The following CAVIN3 variants were observed in gnomAD, a reference collection of about 807,000 sequenced individuals.
The protein encoded by CAVIN3 is caveolae-associated protein 3.
In CAVIN3, 11 loss-of-function variants were observed where a neutral mutation model predicts 8.2. The ratio of observed to expected loss-of-function variants is 1.35; its 90% CI spans 0.85 to 2.23. The LOEUF (loss-of-function observed/expected upper bound fraction) is 2.23, where lower values mean the gene tolerates loss of function less well. Ranked by LOEUF, CAVIN3 falls within the 30% of genes most tolerant of loss-of-function variation. The pLI, the probability that CAVIN3 is intolerant of heterozygous loss-of-function variation, is 0.00. For synonymous variants in CAVIN3, 191 were observed against 166.3 expected (o/e 1.15, Z -1.14); for missense variants, 401 against 359.5 (o/e 1.12, Z -0.93).
chr11:6,319,668 G>C (rs1213156261), intron 1 of CAVIN3, 104 bp from the exon 2 acceptor site: 1 of 1,371,284 alleles, frequency 7.3e-7, no homozygotes, highest in Non-Finnish European at 1.0e-6. Flanking sequence ...TCCGCAGCCA[G>C]AGTCTGGGGG....
chr11:6,319,356 C>T lies in CAVIN3; in HGVS notation c.593G>A (p.Gly198Asp). The change falls in exon 2 of 2, where the codon GGC (glycine) becomes GAC (aspartate). Residue 198 changes from glycine to aspartate, a missense_variant. Coordinates refer to ENST00000303927, the MANE Select transcript of CAVIN3 (RefSeq NM_145040.3). ...CGGGGTGGGCGGTGGCGCTGCAGGG[C>T]CTTTCCGGCCCGAAAGGGCCCTTCG... ...SLRRALSGRK[G>D]PAAPPPTPVK... The T allele has an allele frequency of 6.3e-7, 1 of 1,594,896 alleles. No homozygotes were observed. Among genetic ancestry groups the T allele is most frequent in the Non-Finnish European group, 8.5e-7 (1 of 1,172,586 alleles).
At position 6,319,528 on chromosome 11, in the gene CAVIN3, C is replaced by T; in HGVS notation, c.421G>A (p.Ala141Thr). Residue 141 changes from alanine (A) to threonine (T), a missense_variant, in exon 2 of 2, where the codon GCA becomes ACA. Ala to Thr is a moderately conservative substitution (Grantham distance 58). Transcript: ENST00000303927. ...TCCGCCGGGCCCAAGGGCTCTGGTGCCTTCTGGAAAGCGCTGGCTGGGACT... is the reference window on the plus strand; with the variant it reads ...TCCGCCGGGCCCAAGGGCTCTGGTGTCTTCTGGAAAGCGCTGGCTGGGACT... ...GEVPASAFQK[A>T]PEPLGPADQS... is the part of the protein sequence containing the mutation. 1 of 1,593,982 alleles carries T rather than the reference C, an allele frequency of 6.3e-7. No individual in the cohort carries two copies. The highest frequency in any genetic ancestry group is 1.1e-5 in the South Asian group (1 of 89,168).
In CAVIN3 at chr11:6,319,393, C is replaced by A; in HGVS notation, c.556G>T (p.Val186Leu). Residue 186 changes from valine to leucine, a missense_variant, in exon 2 of 2, where the codon GTA becomes TTA. By Grantham distance (32) the Val-to-Leu change is conservative. Transcript: ENST00000303927. ...GAAAGGGCCCTTCGGAGGCTCTGTA[C>A]CTTCTGCAATCCGGTGCGCCGCAGC... is the stretch of plus-strand genomic sequence containing the variant. ...QRLRRTGLQK[V>L]QSLRRALSGR... is the part of the protein sequence containing the mutation. 6.2e-7 allele frequency: 1 copy of A among 1,610,328 alleles called. No individual in the cohort carries two copies. Among genetic ancestry groups the A allele is most frequent in the Non-Finnish European group, 8.5e-7 (1 of 1,178,836 alleles).
chr11:6,319,929 G>A (rs899066303), intron 1 of CAVIN3, 164 bp downstream of exon 1: 2 of 818,320 alleles, frequency 2.4e-6, no homozygotes, highest in Admixed American at 5.7e-5. Context: ...GATGGGGCTG[G>A]GTCTTGGGAA....
At chr11:6,319,606 C>G (rs1336744779) in intron 1 of CAVIN3, 42 bp from the exon 2 acceptor site, 44 of 1,538,616 alleles carry the variant, frequency 2.9e-5, no homozygotes, top group Non-Finnish European at 3.7e-5. Flanking sequence ...CAGCTCCTTA[C>G]CCCCAGCAGC....
chr11:6,319,694 G>T (rs1435377998), intron 1 of CAVIN3, 130 bp from the exon 2 acceptor site: 1 of 1,194,928 alleles, frequency 8.4e-7, no homozygotes, highest in Admixed American at 2.0e-5. Context: ...GCAGGCGTGG[G>T]AAGGTAAGGG....
chr11:6,319,931 T>C (rs1846796411), intron 1 of CAVIN3, 162 bp downstream of exon 1: 2 of 831,164 alleles, frequency 2.4e-6, no homozygotes, highest in East Asian at 5.4e-5. Flanking sequence ...TGGGGCTGGG[T>C]CTTGGGAAGT....
chr11:6,320,215 C>A lies in CAVIN3; in HGVS notation c.262G>T (p.Val88Leu). Residue 88 changes from valine to leucine, a missense_variant, in exon 1 of 2, where the codon GTG (valine) becomes TTG (leucine). By Grantham distance (32) the Val-to-Leu change is conservative. Coordinates refer to ENST00000303927, the MANE Select transcript of CAVIN3 (RefSeq NM_145040.3). ...TGGGCGGCGTTGGCGTGCGAGCTCA[C>A]GCGCTCCGCCTTGGCCAGCAGCTGC... ...LAQLLAKAER[V>L]SSHANAAQER... 6.4e-7 allele frequency: 1 copy of A among 1,564,090 alleles called. No individual in the cohort carries two copies. The highest frequency in any genetic ancestry group is 8.6e-7 in the Non-Finnish European group (1 of 1,162,296).
At position 6,320,491 on chromosome 11, in the gene CAVIN3, C is replaced by G. The variant is rs761585001; in HGVS notation, c.-15G>C. 8.1e-6 allele frequency: 12 copies of G among 1,478,434 alleles called. No homozygotes were observed. In the East Asian group the frequency reaches 1.5e-4, roughly 19 times the overall value. 91.6% of individuals were successfully genotyped at this position (1,478,434 alleles called of 1,614,324 possible). A position where few individuals can be genotyped will look rare whatever the true frequency, so the allele number is the denominator to read the frequency against. On this transcript the variant is annotated 5_prime_UTR_variant, in exon 1 of 2. Transcript: ENST00000303927. ...CTCTCCCTCATGATCCCTGACCGCT[C>G]TGCTCCGTCTGCCTGCAACTGCTGG...
chr11:6,319,221 T>C lies in CAVIN3; in HGVS notation c.728A>G (p.Asp243Gly). Residue 243 changes from aspartate to glycine, a missense_variant, in exon 2 of 2, where the codon GAT (aspartate) becomes GGT (glycine). Coordinates refer to ENST00000303927, the MANE Select transcript of CAVIN3 (RefSeq NM_145040.3). ...EPEPPQDTEE[D>G]PGRPGAAEEA... is the part of the protein sequence containing the mutation. Reference sequence around the variant, plus strand: ...TTCGGCAGCCCCAGGTCTCCCGGGATCTTCCTCGGTGTCCTGCGGAGGCTC... The same window carrying C: ...TTCGGCAGCCCCAGGTCTCCCGGGACCTTCCTCGGTGTCCTGCGGAGGCTC... 2 of 1,568,364 alleles carry C rather than the reference T, an allele frequency of 1.3e-6. No homozygotes were observed. The highest frequency in any genetic ancestry group is 1.7e-6 in the Non-Finnish European group (2 of 1,161,716).
In CAVIN3 at chr11:6,319,163, T is replaced by A. The variant is rs1846765381; in HGVS notation, c.786A>T (p.Ter262CysextTer22). 6.6e-7 allele frequency: 1 copy of A among 1,515,630 alleles called. No homozygotes were observed. Among genetic ancestry groups the A allele is most frequent in the Admixed American group, 2.3e-5 (1 of 43,626 alleles). The allele number at this position is 1,515,630 out of a possible 1,614,324, so 93.9% of individuals were successfully genotyped here. ...CAGGGGAGGCAGGCAACACCAGCCC[T>A]CAGGCTACACTCTCCATTTGGAGCA... is the stretch of plus-strand genomic sequence containing the variant. ...EALLQMESVA[*>C] The change falls in exon 2 of 2, where the codon TGA (stop) becomes TGT (cysteine). Residue 262 changes from the stop codon to cysteine, a stop_lost. Coordinates refer to ENST00000303927, the MANE Select transcript of CAVIN3 (RefSeq NM_145040.3).
chr11:6,319,433 C>T lies in CAVIN3; in HGVS notation c.516G>A (p.Glu172=), dbSNP rs1436087202. Residue 172 remains glutamate (E), a synonymous_variant, in exon 2 of 2, where the codon GAG becomes GAA. Coordinates refer to ENST00000303927, the MANE Select transcript of CAVIN3 (RefSeq NM_145040.3). The part of the protein sequence containing the change: ...VGESSDEEPV[E]SRAQRLRRTG... ...TGCGCCGCAGCCGCTGGGCCCTGGA[C>T]TCCACCGGCTCCTCGTCCGAGCTCT... The T allele has an allele frequency of 6.2e-7, 1 of 1,611,682 alleles. No individual in the cohort carries two copies. Among genetic ancestry groups the T allele is most frequent in the Non-Finnish European group, 8.5e-7 (1 of 1,179,790 alleles).
rs1329421435 is a variant in CAVIN3, at chr11:6,320,134, G to A, written c.343C>T (p.Leu115=). The change falls in exon 1 of 2, where the codon CTG becomes TTG. Residue 115 remains leucine (L), a synonymous_variant. Transcript: ENST00000303927. The part of the protein sequence containing the change: ...QVQRLEANHG[L]LVARGKLHVL... ...TGGAGCTTCCCGCGCGCCACCAGCA[G>A]CCCGTGGTTGGCCTCCAGCCGCTGC... 1.3e-6 allele frequency: 2 copies of A among 1,589,158 alleles called. No homozygotes were observed. Among genetic ancestry groups the A allele is most frequent in the South Asian group, 1.1e-5 (1 of 89,858 alleles).
rs193109127 is a variant in CAVIN3 at position 6,320,064 on chromosome 11, C to G, written c.384+29G>C. On this transcript the variant is annotated intron_variant, in intron 1 of 1. Coordinates refer to ENST00000303927, the MANE Select transcript of CAVIN3 (RefSeq NM_145040.3). ...GTGGCCCACAGGCCGGCAAAGGCCT[C>G]GGATTGGGGACCGTTTGAGGTCACT... 6 of 1,550,944 alleles carry G rather than the reference C, an allele frequency of 3.9e-6. No individual in the cohort carries two copies. In the African/African-American group the frequency reaches 5.5e-5, roughly 14 times the overall value.
chr11:6,320,135 C>T lies in CAVIN3; in HGVS notation c.342G>A (p.Gly114=), dbSNP rs11544764. 175,764 of 1,588,616 alleles carry T rather than the reference C, an allele frequency of 0.11. 10,171 individuals carry two copies. The highest frequency in any genetic ancestry group is 0.14 in the East Asian group (6,035 of 44,138). The change falls in exon 1 of 2, where the codon GGG becomes GGA. Residue 114 remains glycine, a synonymous_variant. Transcript: ENST00000303927. ...GGAGCTTCCCGCGCGCCACCAGCAGCCCGTGGTTGGCCTCCAGCCGCTGCA... is the reference window on the plus strand; with the variant it reads ...GGAGCTTCCCGCGCGCCACCAGCAGTCCGTGGTTGGCCTCCAGCCGCTGCA... ...AQVQRLEANH[G]LLVARGKLHV...
intron 1 of CAVIN3, 100 bp downstream of exon 1, chr11:6,319,993 G>T: frequency 7.8e-7 from 1 of 1,289,790 alleles, no homozygotes; most frequent in Non-Finnish European, 1.0e-6. Context: ...GGAGGGGTCA[G>T]GAATGTGGGT....
At chr11:6,319,698 G>GT in intron 1 of CAVIN3, 134 bp from the exon 2 acceptor site, 1 of 1,156,294 alleles carries the variant, frequency 8.6e-7, no homozygotes, top group Admixed American at 2.0e-5. Context: ...GCGTGGGAAG[G>GT]TAAGGGGAGG....
intron 1 of CAVIN3, 57 bp downstream of exon 1, chr11:6,320,036 C>A: frequency 6.6e-7 from 1 of 1,508,912 alleles, no homozygotes; most frequent in Non-Finnish European, 8.8e-7. Context: ...GAGCCCCCAG[C>A]TGGTGGCCCA....
In CAVIN3 at chr11:6,320,122, G is replaced by A. The variant is rs754413107; in HGVS notation, c.355C>T (p.Arg119Cys). The change falls in exon 1 of 2, where the codon CGC (arginine) becomes TGC (cysteine). Residue 119 changes from arginine (R) to cysteine (C), a missense_variant. Physicochemically the swap from Arg to Cys is radical, Grantham distance 180. Coordinates refer to ENST00000303927, the MANE Select transcript of CAVIN3 (RefSeq NM_145040.3). ...AAGAGCAGAACGTGGAGCTTCCCGC[G>A]CGCCACCAGCAGCCCGTGGTTGGCC... ...LEANHGLLVA[R>C]GKLHVLLFKE... 5 of 1,588,818 alleles carry A rather than the reference G, an allele frequency of 3.1e-6. No individual in the cohort carries two copies. In the East Asian group the frequency reaches 9.1e-5, roughly 29 times the overall value.
Sources: allele counts gnomAD v4.1 joint callset, GRCh38; gene constraint gnomAD v4.1.1; transcripts MANE v1.5; gene names NCBI Gene and HGNC (gene_info 2026-07-23, HGNC 2026-07-21).